Variants in TOR1AIP2 observed in about 807,000 individuals in gnomAD.
TOR1AIP2 encodes the protein torsin 1A interacting protein 2, also known as torsin-1A-interacting protein 2.
TOR1AIP2 carries 20 observed loss-of-function variants against 32.6 expected under a neutral mutation model. That is an observed-to-expected ratio of 0.61 (90% CI 0.43 to 0.89). The LOEUF is 0.89. TOR1AIP2 is among the 40% of genes least tolerant of loss of function. The pLI is 0.00. For synonymous variants in TOR1AIP2, 214 were observed against 210.8 expected (o/e 1.02, Z -0.13); for missense variants, 456 against 553.8 (o/e 0.82, Z 1.77).
chr1:179,852,933 G>A lies in TOR1AIP2; in HGVS notation c.-146-122C>T, dbSNP rs1444911507. ...CTATTTCCTCTGTGAAACTTTTTTC[G>A]TGAAGAAAATTTCCTTTCATGAGAA... On this transcript the variant is annotated intron_variant, in intron 3 of 6. Coordinates refer to ENST00000609928, the MANE Select transcript of TOR1AIP2 (RefSeq NM_001199260.2). The A allele has an allele frequency of 1.2e-5, 8 of 641,406 alleles. No individual in the cohort carries two copies. In the East Asian group the frequency reaches 1.8e-4, roughly 15 times the overall value. The allele number at this position is 641,406 out of a possible 1,614,324, so 39.7% of individuals were successfully genotyped here.
chr1:179,850,726 A>C, intron 5 of TOR1AIP2, 119 bp downstream of exon 5: 1 of 1,258,782 alleles, frequency 7.9e-7, no homozygotes, highest in Non-Finnish European at 1.1e-6. Context: ...CAAGGCCCAA[A>C]GGCCTTACTC....
At chr1:179,868,363 T>C (rs1050687402) in intron 2 of TOR1AIP2, 1 of 152,244 alleles carries the variant, frequency 6.6e-6, no homozygotes, top group Non-Finnish European at 1.5e-5. Context: ...CATTTTACCT[T>C]TCTATTTACT....
At chr1:179,860,605 T>C (rs1198146652) in intron 3 of TOR1AIP2, 2 of 985,356 alleles carry the variant, frequency 2.0e-6, no homozygotes, top group East Asian at 1.1e-4. Flanking sequence ...GTTTGGTATA[T>C]GTTATTGCAC....
At chr1:179,861,099 G>C (rs971174422) in intron 3 of TOR1AIP2, 1 of 985,390 alleles carries the variant, frequency 1.0e-6, no homozygotes, top group Non-Finnish European at 1.2e-6. Context: ...AAATAACAGG[G>C]AGTAGTTATA....
At chr1:179,853,990 T>C (rs957221521) in intron 3 of TOR1AIP2, among the ~76,000 whole-genome samples, 33 of 152,140 alleles carry the variant, frequency 2.2e-4, no homozygotes, top group African/African-American at 8.0e-4. Flanking sequence ...TTCTCTCCTA[T>C]CCTAGCTCAT....
Position 179,860,344 on chromosome 1 carries a change from T to C in TOR1AIP2, c.-147+5092A>G, listed in dbSNP as rs1462644651. 5 of 726,336 alleles carry C rather than the reference T, an allele frequency of 6.9e-6. No individual in the cohort carries two copies. The African/African-American group carries it at 7.8e-5, about 11-fold the overall frequency. 45.0% of individuals were successfully genotyped at this position (726,336 alleles called of 1,614,324 possible). On this transcript the variant is annotated intron_variant, in intron 3 of 6. Transcript: ENST00000609928. ...CAAAAATAAAAAAATTAGCTGGGCA[T>C]GGTGGTGCAAGCCTGTAGTCACAGC...
rs1287403738 is a variant in TOR1AIP2 at position 179,846,471 on chromosome 1, T to C, written c.1013A>G (p.Gln338Arg). The C allele has an allele frequency of 1.9e-6, 3 of 1,614,108 alleles. No homozygotes were observed. The highest frequency in any genetic ancestry group is 3.3e-5 in the Admixed American group (2 of 59,996). ...CAACAGCTTGACCGTGTCACTGTCC[T>C]GCCAGGTCCTTCCAGCCCCATCAAT... ...IQIDGAGRTW[Q>R]DSDTVKLLVD... is the part of the protein sequence containing the mutation. Residue 338 changes from glutamine to arginine, a missense_variant, in exon 7 of 7, where the codon CAG becomes CGG. Transcript: ENST00000609928.
intron 2 of TOR1AIP2, among the ~76,000 whole-genome samples, chr1:179,872,382 T>C (rs1697043742): frequency 6.6e-6 from 1 of 152,240 alleles, no homozygotes; most frequent in South Asian, 2.1e-4. Flanking sequence ...GGTATTTCTA[T>C]AACTTGTGCT....
At chr1:179,876,708 C>G (rs1342214094) in intron 2 of TOR1AIP2, among the ~76,000 whole-genome samples, 1 of 151,442 alleles carries the variant, frequency 6.6e-6, no homozygotes, top group Non-Finnish European at 1.5e-5. Flanking sequence ...ATCTCTCATA[C>G]AGATCCAAAA....
Position 179,863,427 on chromosome 1 carries a change from A to C in TOR1AIP2, c.-147+2009T>G, listed in dbSNP as rs982600136. On this transcript the variant is annotated intron_variant, in intron 3 of 6. Transcript: ENST00000609928. ...CCAAATAAAACACTGACTTGAAAGA[A>C]AGCCTTTTGCTCTCTACTTCCAGCC... The C allele has an allele frequency of 3.0e-6, 3 of 985,166 alleles. No individual in the cohort carries two copies. The African/African-American group carries it at 5.2e-5, about 17-fold the overall frequency. 61.0% of individuals were successfully genotyped at this position (985,166 alleles called of 1,614,324 possible). A position where few individuals can be genotyped will look rare whatever the true frequency, so the allele number is the denominator to read the frequency against.
intron 2 of TOR1AIP2, chr1:179,867,414 G>A (rs188701846): frequency 7.2e-5 from 11 of 152,316 alleles, no homozygotes; most frequent in Admixed American, 2.6e-4. Flanking sequence ...AGGGTCTGCT[G>A]ACAAGAGCTA....
intron 2 of TOR1AIP2, chr1:179,868,957 T>G (rs2148454633): frequency 6.6e-6 from 1 of 152,364 alleles, no homozygotes; most frequent in South Asian, 2.1e-4. Flanking sequence ...ATTCTCTTGC[T>G]TCAACCTCCC....
rs377364518 is a variant in TOR1AIP2, at chr1:179,847,527, G to A, written c.655+8C>T. 24 of 1,597,922 alleles carry A rather than the reference G, an allele frequency of 1.5e-5. No individual in the cohort carries two copies. The African/African-American group carries it at 2.5e-4, about 17-fold the overall frequency. On this transcript the variant is annotated splice_region_variant and intron_variant, in intron 6 of 6. Coordinates refer to ENST00000609928, the MANE Select transcript of TOR1AIP2 (RefSeq NM_001199260.2). ...TCAACACTGCAGTAAAACCAGGTTT[G>A]TTCTCACCATAGCTCCAAAAACCCT...
chr1:179,876,954 T>A (rs1227694964), intron 2 of TOR1AIP2, among the ~76,000 whole-genome samples: 1 of 151,844 alleles, frequency 6.6e-6, no homozygotes, highest in Non-Finnish European at 1.5e-5. Context: ...TAGGAGGTCT[T>A]ACTAAAACTT....
intron 3 of TOR1AIP2, chr1:179,864,618 T>C (rs1158980612): frequency 2.1e-6 from 3 of 1,395,374 alleles, no homozygotes; most frequent in African/African-American, 1.4e-5. Context: ...ACTAAATTCA[T>C]GTGAATAAAA....
Position 179,841,319 on chromosome 1 carries a change from C to T in TOR1AIP2, c.*4752G>A, listed in dbSNP as rs1289566171. 1 of 152,178 alleles carries T rather than the reference C, an allele frequency of 6.6e-6. No homozygotes were observed. The highest frequency in any genetic ancestry group is 1.5e-5 in the Non-Finnish European group (1 of 68,026). 9.4% of individuals were successfully genotyped at this position (152,178 alleles called of 1,614,324 possible). A position where few individuals can be genotyped will look rare whatever the true frequency, so the allele number is the denominator to read the frequency against. Reference sequence around the variant, plus strand: ...AACAAACAAGATATTAAAATGGAGACTGACATTGAACTACATAGTCAACTT... The same window carrying T: ...AACAAACAAGATATTAAAATGGAGATTGACATTGAACTACATAGTCAACTT... On this transcript the variant is annotated 3_prime_UTR_variant, in exon 7 of 7. Coordinates refer to ENST00000609928, the MANE Select transcript of TOR1AIP2 (RefSeq NM_001199260.2).
At chr1:179,853,979 T>C (rs1148814) in intron 3 of TOR1AIP2, among the ~76,000 whole-genome samples, 9,290 of 152,196 alleles carry the variant, frequency 0.061, 356 homozygotes, top group African/African-American at 0.1. Flanking sequence ...GGAATGAAGT[T>C]TTCTCTCCTA....
Position 179,851,294 on chromosome 1 carries a change from C to T in TOR1AIP2, c.104G>A (p.Ser35Asn), listed in dbSNP as rs1433645209. Residue 35 changes from serine (S) to asparagine (N), a missense_variant, in exon 5 of 7, where the codon AGT becomes AAT. By Grantham distance (46) the Ser-to-Asn change is conservative. Transcript: ENST00000609928. ...SQAQETTIIA[S>N]NAEEAEILHS... ...TAGGATCTCAGCTTCTTCAGCATTA[C>T]TTGCTATGATTGTGGTCTCCTGCGC... is the stretch of plus-strand genomic sequence containing the variant. 3 of 1,608,266 alleles carry T rather than the reference C, an allele frequency of 1.9e-6. No individual in the cohort carries two copies. Among genetic ancestry groups the T allele is most frequent in the Admixed American group, 1.7e-5 (1 of 59,704 alleles).
chr1:179,847,549 C>A lies in TOR1AIP2; in HGVS notation c.641G>T (p.Gly214Val), dbSNP rs528670266. 1.4e-5 allele frequency: 22 copies of A among 1,613,614 alleles called. No homozygotes were observed. In the African/African-American group the frequency reaches 2.8e-4, roughly 21 times the overall value. The stretch of plus-strand genomic sequence containing the variant: ...TTTGTTCTCACCATAGCTCCAAAAA[C>A]CCTTTTTATTAATCTGTCTCATGGT... ...QDTMRQINKK[G>V]FWSYGPVILV... Residue 214 changes from glycine to valine, a missense_variant, in exon 6 of 7, where the codon GGT (glycine) becomes GTT (valine). Gly to Val is a moderately radical substitution (Grantham distance 109). Transcript: ENST00000609928.
Sources: gnomAD v4.1 joint callset for allele counts (sites outside exome capture counted in the v4.1 genomes callset) on GRCh38, gnomAD v4.1.1 for gene constraint, MANE v1.5 for transcripts, NCBI Gene and HGNC (gene_info 2026-07-23, HGNC 2026-07-21) for gene names.